The following RFX3 variants were observed in gnomAD, a reference collection of about 807,000 sequenced individuals.
RFX3 encodes the protein transcription factor RFX3.
RFX3 carries 14 observed loss-of-function variants against 98.6 expected under a neutral mutation model. The observed-to-expected ratio is 0.14, with a 90% confidence interval of 0.09 to 0.22. The LOEUF is 0.22. RFX3 is among the 10% of genes least tolerant of loss of function. The probability of loss-of-function intolerance (pLI) is 1.00; values close to 1 mark genes in which losing one functional copy is unlikely to be tolerated. For synonymous variants in RFX3, 383 were observed against 328.4 expected (o/e 1.17, Z -1.80); for missense variants, 639 against 926.9 (o/e 0.69, Z 4.03).
intron 1 of RFX3, among the ~76,000 whole-genome samples, chr9:3,519,180 G>C (rs1228967127): frequency 6.6e-6 from 1 of 152,118 alleles, no homozygotes; most frequent in Non-Finnish European, 1.5e-5. Flanking sequence ...TTGACCAGGA[G>C]AGTTATGCAA....
intron 3 of RFX3, among the ~76,000 whole-genome samples, chr9:3,333,466 T>C (rs1177542314): frequency 6.9e-6 from 1 of 144,100 alleles, no homozygotes; most frequent in East Asian, 2.0e-4. Context: ...GATAGAAAAA[T>C]GTCACTTAAA....
intron 1 of RFX3, among the ~76,000 whole-genome samples, chr9:3,398,924 A>G: frequency 6.7e-6 from 1 of 149,354 alleles, no homozygotes; most frequent in Non-Finnish European, 1.5e-5. Context: ...TAAAAAAAAA[A>G]AAAAAAAAAA....
At chr9:3,476,724 C>T (rs972080153) in intron 1 of RFX3, among the ~76,000 whole-genome samples, 4 of 152,008 alleles carry the variant, frequency 2.6e-5, no homozygotes, top group African/African-American at 9.7e-5. Flanking sequence ...TTTTAAATAA[C>T]TGGAGAAAAA....
chr9:3,388,955 G>C lies in RFX3; in HGVS notation c.117+6517C>G, dbSNP rs902316563. On this transcript the variant is annotated intron_variant, in intron 2 of 16. Transcript: ENST00000617270. ...GAAAGAGGTAAGACAGACAGAGATA[G>C]TAGAGAGGAGGACTACAGTTGCAAA... 2.5e-4 allele frequency among the ~76,000 whole-genome samples: 38 copies of C among 152,234 alleles called. 1 individual carries two copies. The highest frequency in any genetic ancestry group is 8.7e-4 in the African/African-American group (36 of 41,574).
At chr9:3,363,481 G>T (rs1587321435) in intron 2 of RFX3, among the ~76,000 whole-genome samples, 2 of 152,240 alleles carry the variant, frequency 1.3e-5, no homozygotes, top group South Asian at 2.1e-4. Context: ...TTCTTTCAGG[G>T]TATAGAACTG....
chr9:3,444,175 A>T (rs1845837858), intron 1 of RFX3, among the ~76,000 whole-genome samples: 2 of 152,356 alleles, frequency 1.3e-5, no homozygotes, highest in African/African-American at 4.8e-5. Context: ...ATCTACCAAC[A>T]GGTGAATATA....
intron 1 of RFX3, among the ~76,000 whole-genome samples, chr9:3,423,811 A>ATATCTC: frequency 7.6e-6 from 1 of 132,372 alleles, no homozygotes; most frequent in East Asian, 2.1e-4. Context: ...ATATATATAT[A>ATATCTC]TCTTAAGGTA....
chr9:3,350,306 G>T (rs145157623), intron 2 of RFX3, among the ~76,000 whole-genome samples: 1 of 152,098 alleles, frequency 6.6e-6, no homozygotes, highest in Non-Finnish European at 1.5e-5. Flanking sequence ...AAGGGCCAAA[G>T]ACCTTAATAC....
chr9:3,504,218 CTATATTATATACTA>C (rs1018487723), intron 1 of RFX3, among the ~76,000 whole-genome samples: 2 of 116,036 alleles, frequency 1.7e-5, no homozygotes, highest in Non-Finnish European at 3.2e-5. Context: ...ATATTATATA[CTATATTATATACTA>C]TATATTATAT....
intron 13 of RFX3, among the ~76,000 whole-genome samples, chr9:3,257,558 T>A (rs115720884): frequency 6.6e-6 from 1 of 152,222 alleles, no homozygotes; most frequent in Admixed American, 6.5e-5. Context: ...TCAGCTTTCA[T>A]ACTGCTTTCA....
chr9:3,524,648 C>G, intron 1 of RFX3: 1 of 982,422 alleles, frequency 1.0e-6, no homozygotes, highest in Non-Finnish European at 1.2e-6. Flanking sequence ...CTTCCCTGTT[C>G]ATCACAAAGT....
chr9:3,341,851 A>C (rs1833923235), intron 3 of RFX3, among the ~76,000 whole-genome samples: 1 of 152,220 alleles, frequency 6.6e-6, no homozygotes, highest in Non-Finnish European at 1.5e-5. Context: ...GTAGAAGCAT[A>C]AATGAAGAAA....
intron 1 of RFX3, among the ~76,000 whole-genome samples, chr9:3,520,851 A>AC (rs1818640427): frequency 6.6e-6 from 1 of 152,034 alleles, no homozygotes; most frequent in African/African-American, 2.4e-5. Flanking sequence ...ATTTTCTTTT[A>AC]CTTTTTTTTA....
intron 4 of RFX3, among the ~76,000 whole-genome samples, chr9:3,309,694 G>A (rs985361185): frequency 5.9e-5 from 9 of 152,054 alleles, no homozygotes; most frequent in Admixed American, 1.3e-4. Flanking sequence ...TACATATTGT[G>A]AAAAGAAAAA....
intron 2 of RFX3, among the ~76,000 whole-genome samples, chr9:3,353,560 C>A (rs1428549159): frequency 6.6e-6 from 1 of 151,964 alleles, no homozygotes; most frequent in African/African-American, 2.4e-5. Context: ...CTAGGGCATT[C>A]TGTAGATATA....
intron 1 of RFX3, among the ~76,000 whole-genome samples, chr9:3,485,421 TTA>T (rs1173699277): frequency 1.3e-5 from 2 of 152,218 alleles, no homozygotes; most frequent in Non-Finnish European, 2.9e-5. Context: ...GAATATTGAA[TTA>T]GTAAGTGAGT....
chr9:3,247,206 G>A (rs1820794117), intron 15 of RFX3: 1 of 985,604 alleles, frequency 1.0e-6, no homozygotes, highest in African/African-American at 1.7e-5. Context: ...AGCCAGTGCT[G>A]AACCATCTGA....
In RFX3 at chr9:3,330,376, C is replaced by T; in HGVS notation, c.357G>A (p.Gln119=). The T allele has an allele frequency of 1.2e-6, 2 of 1,614,154 alleles. No homozygotes were observed. The highest frequency in any genetic ancestry group is 2.2e-5 in the South Asian group (2 of 91,088). ...SHSMVGTGGI[Q]MGVTGGQLIS... ...TGAGTTGTCCTCCTGTGACGCCCAT[C>T]TGAATCCCACCAGTGCCCACCATAC... The change falls in exon 4 of 17, where the codon CAG becomes CAA. Residue 119 remains glutamine (Q), a synonymous_variant. Coordinates refer to ENST00000617270, the MANE Select transcript of RFX3 (RefSeq NM_001282116.2).
intron 1 of RFX3, among the ~76,000 whole-genome samples, chr9:3,447,602 G>A (rs868552609): frequency 6.6e-6 from 1 of 152,078 alleles, no homozygotes; most frequent in Non-Finnish European, 1.5e-5. Context: ...AACAAAAGGA[G>A]GTAACCGACT....
Sources: gnomAD v4.1 joint callset for allele counts (sites outside exome capture counted in the v4.1 genomes callset) on GRCh38, gnomAD v4.1.1 for gene constraint, MANE v1.5 for transcripts, NCBI Gene and HGNC (gene_info 2026-07-23, HGNC 2026-07-21) for gene names.